The following RANBP2 variants were observed in gnomAD, a reference collection of about 807,000 sequenced individuals.
The protein encoded by RANBP2 is E3 SUMO-protein ligase RanBP2.
RANBP2 carries 57 observed loss-of-function variants against 303.6 expected under a neutral mutation model. The ratio of observed to expected loss-of-function variants is 0.19; its 90% CI spans 0.15 to 0.23. The LOEUF is 0.23. Ranked by LOEUF, RANBP2 falls within the 10% of genes least tolerant of loss-of-function variation. The pLI is 1.00. For missense variants in RANBP2, 3,138 were observed against 3,780.8 expected (o/e 0.83, Z 4.46); for synonymous variants, 1,167 against 1,301.5 (o/e 0.90, Z 2.23).
chr2:108,957,177 TG>T, the RANBP2 span, among the ~76,000 whole-genome samples: 4 of 152,360 alleles, frequency 2.6e-5, no homozygotes, highest in South Asian at 6.2e-4. Context: ...GTAACTGGCC[TG>T]GGTGCCACTG....
the RANBP2 span, among the ~76,000 whole-genome samples, chr2:109,740,659 T>C: frequency 6.6e-6 from 1 of 151,656 alleles, no homozygotes; most frequent in Non-Finnish European, 1.5e-5. Context: ...ATTAGTAAAA[T>C]TGATAAACCT....
the RANBP2 span, among the ~76,000 whole-genome samples, chr2:109,156,681 G>A: frequency 1.3e-5 from 2 of 152,108 alleles, no homozygotes; most frequent in Admixed American, 1.3e-4. Flanking sequence ...CCTGACCTCA[G>A]GTGATCTCGC....
At chr2:109,425,735 GCCAGTGTA>G in the RANBP2 span, among the ~76,000 whole-genome samples, 3 of 152,122 alleles carry the variant, frequency 2.0e-5, no homozygotes, top group Admixed American at 2.0e-4. Context: ...ACTGCTCATT[GCCAGTGTA>G]CTTGGTTATT....
At chr2:109,547,313 A>G in the RANBP2 span, among the ~76,000 whole-genome samples, 3 of 151,548 alleles carry the variant, frequency 2.0e-5, no homozygotes, top group African/African-American at 7.3e-5. Flanking sequence ...CTCTTTGAGA[A>G]CTACTCATTG....
At chr2:109,642,426 A>G in the RANBP2 span, among the ~76,000 whole-genome samples, 1 of 152,118 alleles carries the variant, frequency 6.6e-6, no homozygotes, top group Non-Finnish European at 1.5e-5. Context: ...TATAACCTAG[A>G]TGGATAGGAA....
chr2:109,616,241 T>A, the RANBP2 span: 2 of 1,033,136 alleles, frequency 1.9e-6, no homozygotes, highest in Non-Finnish European at 2.6e-6. Flanking sequence ...AGTGGATGTC[T>A]TTTTCAGAGA....
rs768197780 is a variant in RANBP2, at chr2:108,766,355, G to A, written c.5816G>A (p.Gly1939Asp). Residue 1939 changes from glycine (G) to aspartate (D), a missense_variant, in exon 20 of 29, where the codon GGC (glycine) becomes GAC (aspartate). Physicochemically the swap from Gly to Asp is moderately conservative, Grantham distance 94 (BLOSUM62 -1). Around this residue, in one of 20 missense-constraint regions of RANBP2, gnomAD observed 348 missense variants for 360.4 expected, o/e 0.97. Transcript: ENST00000283195. Reference sequence around the variant, plus strand: ...AAGAATGGCCGTGGTGTGATTTTTGGCCAAACAAGTAGCACTTTTACATTT... The same window carrying A: ...AAGAATGGCCGTGGTGTGATTTTTGACCAAACAAGTAGCACTTTTACATTT... ...GQKNGRGVIFGQTSSTFTFAD... is the reference protein window; with the variant it reads ...GQKNGRGVIFDQTSSTFTFAD... The A allele has an allele frequency of 6.2e-7, 1 of 1,611,810 alleles. No individual in the cohort carries two copies. Among genetic ancestry groups the A allele is most frequent in the Non-Finnish European group, 8.5e-7 (1 of 1,179,854 alleles).
the RANBP2 span, among the ~76,000 whole-genome samples, chr2:108,829,997 TAAA>T: frequency 2.0e-5 from 3 of 149,568 alleles, no homozygotes; most frequent in South Asian, 2.1e-4. Context: ...TTATATATAA[TAAA>T]AAGAAGGTGG....
At chr2:109,012,174 A>G in the RANBP2 span, among the ~76,000 whole-genome samples, 1 of 152,194 alleles carries the variant, frequency 6.6e-6, no homozygotes, top group Non-Finnish European at 1.5e-5. Context: ...TTTTAGGGTG[A>G]CACAGCAGAG....
the RANBP2 span, among the ~76,000 whole-genome samples, chr2:109,206,113 C>G: frequency 6.6e-6 from 1 of 152,086 alleles, no homozygotes; most frequent in South Asian, 2.1e-4. Context: ...GTGACCCAAG[C>G]CACCCCTCTC....
chr2:109,702,109 C>A, the RANBP2 span, among the ~76,000 whole-genome samples: 1 of 152,212 alleles, frequency 6.6e-6, no homozygotes, highest in Non-Finnish European at 1.5e-5. Flanking sequence ...CAGGCAGTGG[C>A]ATGGGATGTG....
the RANBP2 span, chr2:109,545,352 T>C: frequency 2.2e-5 from 33 of 1,497,518 alleles, no homozygotes; most frequent in Non-Finnish European, 2.8e-5. Flanking sequence ...AAACTTATTT[T>C]CTAAAACTTG....
the RANBP2 span, among the ~76,000 whole-genome samples, chr2:109,144,747 G>T: frequency 6.6e-6 from 1 of 152,220 alleles, no homozygotes; most frequent in African/African-American, 2.4e-5. Flanking sequence ...TGCCTGGCAG[G>T]GGCCACCTCA....
chr2:108,740,734 T>G, intron 7 of RANBP2, 53 bp downstream of exon 7: 1 of 1,597,242 alleles, frequency 6.3e-7, no homozygotes, highest in Non-Finnish European at 8.5e-7. Context: ...CTTGATGTGT[T>G]TGAAATGAAG....
chr2:109,672,299 T>C, the RANBP2 span, among the ~76,000 whole-genome samples: 1 of 152,214 alleles, frequency 6.6e-6, no homozygotes, highest in South Asian at 2.1e-4. Context: ...CATATTAGTC[T>C]GGAGATATGC....
the RANBP2 span, chr2:108,876,043 T>A: frequency 7.8e-7 from 1 of 1,274,148 alleles, no homozygotes; most frequent in Admixed American, 1.9e-5. Context: ...GCAGATAAAC[T>A]CTCTAAGTAT....
At chr2:108,996,406 T>C in the RANBP2 span, among the ~76,000 whole-genome samples, 2 of 152,166 alleles carry the variant, frequency 1.3e-5, no homozygotes, top group African/African-American at 4.8e-5. Flanking sequence ...AGGTGGCTGG[T>C]AATGTCCAAC....
At chr2:109,774,524 A>T in the RANBP2 span, among the ~76,000 whole-genome samples, 1 of 90,636 alleles carries the variant, frequency 1.1e-5, no homozygotes, top group Admixed American at 1.6e-4. Context: ...AATATATATT[A>T]TATATATTAT....
the RANBP2 span, among the ~76,000 whole-genome samples, chr2:108,793,708 T>G: frequency 3.3e-5 from 5 of 152,026 alleles, 1 homozygote; most frequent in South Asian, 1.0e-3. Flanking sequence ...GCCACTCTCC[T>G]GCCTCAGCCT....
Sources: gnomAD v4.1 joint callset for allele counts (sites outside exome capture counted in the v4.1 genomes callset) on GRCh38, gnomAD v4.1.1 for gene constraint, gnomAD v4.1.1 regional missense constraint, MANE v1.5 for transcripts, NCBI Gene and HGNC (gene_info 2026-07-23, HGNC 2026-07-21) for gene names.